Variants in RBFOX1 observed in about 807,000 individuals in gnomAD.
The protein encoded by RBFOX1 is RNA binding protein fox-1 homolog 1.
A neutral mutation model predicts 57.7 loss-of-function variants in RBFOX1; 8 were observed. That is an observed-to-expected ratio of 0.14 (90% CI 0.08 to 0.25). The LOEUF is 0.25. Ranked by LOEUF, RBFOX1 falls within the 10% of genes least tolerant of loss-of-function variation. The pLI, the probability that RBFOX1 is intolerant of heterozygous loss-of-function variation, is 1.00. For synonymous variants in RBFOX1, 326 were observed against 222.4 expected (o/e 1.47, Z -4.15); for missense variants, 611 against 548.5 (o/e 1.11, Z -1.14).
intron 10 of RBFOX1, among the ~76,000 whole-genome samples, chr16:7,610,458 C>T (rs2057267630): frequency 6.6e-6 from 1 of 151,736 alleles, no homozygotes; most frequent in Non-Finnish European, 1.5e-5. Context: ...GTGTGCAAAC[C>T]AGTGAAATAA....
At chr16:7,413,536 C>G (rs1160875830) in intron 4 of RBFOX1, among the ~76,000 whole-genome samples, 4 of 152,096 alleles carry the variant, frequency 2.6e-5, no homozygotes, top group Admixed American at 2.0e-4. Flanking sequence ...TGCCCTCTGT[C>G]TCCTTGTAAG....
At chr16:6,735,982 GC>G (rs373409253) in intron 3 of RBFOX1, among the ~76,000 whole-genome samples, 2 of 776 alleles carry the variant, frequency 2.6e-3, no homozygotes, top group Non-Finnish European at 5.4e-3. Context: ...TCCCTACTGG[GC>G]CTGCTCAAGG....
chr16:6,795,797 T>A (rs1379906168), intron 3 of RBFOX1, among the ~76,000 whole-genome samples: 4 of 151,514 alleles, frequency 2.6e-5, no homozygotes, highest in Admixed American at 1.3e-4. Flanking sequence ...AAAAAGATAG[T>A]CATCGTTGCT....
intron 3 of RBFOX1, among the ~76,000 whole-genome samples, chr16:6,990,573 G>A (rs1226431401): frequency 6.6e-6 from 1 of 152,054 alleles, no homozygotes; most frequent in Non-Finnish European, 1.5e-5. Flanking sequence ...ATGATACTGT[G>A]TCCCATAAAA....
intron 2 of RBFOX1, among the ~76,000 whole-genome samples, chr16:6,598,927 C>T (rs1243210181): frequency 6.6e-6 from 1 of 150,570 alleles, no homozygotes; most frequent in Non-Finnish European, 1.5e-5. Flanking sequence ...GCCTGTGTAA[C>T]AGAGCAAGAC....
At chr16:6,881,781 C>A (rs1204482251) in intron 3 of RBFOX1, among the ~76,000 whole-genome samples, 3 of 152,198 alleles carry the variant, frequency 2.0e-5, no homozygotes, top group African/African-American at 7.2e-5. Context: ...CCATTATCCA[C>A]TGGAGCCTCA....
intron 1 of RBFOX1, among the ~76,000 whole-genome samples, chr16:6,240,495 A>T (rs2097534564): frequency 6.6e-6 from 1 of 151,824 alleles, no homozygotes; most frequent in Non-Finnish European, 1.5e-5. Context: ...CCAGGCCCTC[A>T]CTCAGGCATG....
intron 1 of RBFOX1, among the ~76,000 whole-genome samples, chr16:6,164,753 C>G (rs969625140): frequency 2.6e-5 from 4 of 152,062 alleles, no homozygotes; most frequent in African/African-American, 9.7e-5. Flanking sequence ...GCTGGTGTGA[C>G]CCACCGTGCC....
At chr16:6,381,796 T>G (rs1206915253) in intron 2 of RBFOX1, among the ~76,000 whole-genome samples, 1 of 152,204 alleles carries the variant, frequency 6.6e-6, no homozygotes, top group Non-Finnish European at 1.5e-5. Context: ...CCCTCGGGAT[T>G]CCAGCAAGTG....
At chr16:5,845,212 G>A (rs899109358) in intron 3 of RBFOX1, among the ~76,000 whole-genome samples, 6 of 151,946 alleles carry the variant, frequency 3.9e-5, no homozygotes, top group African/African-American at 1.4e-4. Context: ...TTGCCAAGGG[G>A]GTATTACTCA....
intron 3 of RBFOX1, among the ~76,000 whole-genome samples, chr16:5,839,578 A>C (rs932443189): frequency 6.6e-6 from 1 of 152,174 alleles, no homozygotes; most frequent in Non-Finnish European, 1.5e-5. Flanking sequence ...AGGCTTCTTA[A>C]TCAAGCAGTA....
intron 4 of RBFOX1, chr16:7,510,165 C>G (rs1218610930): frequency 1.0e-6 from 1 of 985,818 alleles, no homozygotes; most frequent in African/African-American, 1.7e-5. Context: ...AGCCCCCCAC[C>G]TTCCTCAACA....
At chr16:5,884,928 C>A (rs1309827851) in intron 4 of RBFOX1, among the ~76,000 whole-genome samples, 1 of 152,130 alleles carries the variant, frequency 6.6e-6, no homozygotes, top group Non-Finnish European at 1.5e-5. Flanking sequence ...TTTAGACTCT[C>A]CTGGAAAGAG....
intron 4 of RBFOX1, among the ~76,000 whole-genome samples, chr16:7,432,102 A>G (rs561829680): frequency 6.6e-6 from 1 of 152,334 alleles, no homozygotes; most frequent in East Asian, 1.9e-4. Context: ...CAGATCCCAC[A>G]GGATGCCCCC....
At chr16:6,243,137 C>CGTGTGTGTGTGTGTGTGT (rs34797833) in intron 1 of RBFOX1, among the ~76,000 whole-genome samples, 7 of 150,440 alleles carry the variant, frequency 4.7e-5, no homozygotes, top group African/African-American at 1.7e-4. Flanking sequence ...GATATTTATA[C>CGTGTGTGTGTGTGTGTGT]GTGTGTCTGT....
At chr16:6,224,595 A>T (rs532546093) in intron 1 of RBFOX1, among the ~76,000 whole-genome samples, 13 of 152,132 alleles carry the variant, frequency 8.5e-5, no homozygotes, top group Non-Finnish European at 1.9e-4. Flanking sequence ...AAGTGAACTG[A>T]TTCACCTGCT....
intron 4 of RBFOX1, among the ~76,000 whole-genome samples, chr16:5,901,794 T>A (rs2058310994): frequency 6.6e-6 from 1 of 152,234 alleles, no homozygotes; most frequent in Admixed American, 6.5e-5. Flanking sequence ...TTCTGTATCT[T>A]TTCTTCATAG....
intron 4 of RBFOX1, among the ~76,000 whole-genome samples, chr16:7,052,632 A>C (rs2050502504): frequency 6.6e-6 from 1 of 152,212 alleles, no homozygotes; most frequent in African/African-American, 2.4e-5. Flanking sequence ...TTCCCCACTT[A>C]AAAATGAAAC....
intron 2 of RBFOX1, among the ~76,000 whole-genome samples, chr16:6,635,202 C>T (rs189089629): frequency 4.4e-4 from 66 of 148,708 alleles, no homozygotes; most frequent in African/African-American, 1.6e-3. Flanking sequence ...ATAATATGTA[C>T]ATATTTTTAA....
Sources: gnomAD v4.1 joint callset for allele counts (sites outside exome capture counted in the v4.1 genomes callset) on GRCh38, gnomAD v4.1.1 for gene constraint, MANE v1.5 for transcripts, NCBI Gene and HGNC (gene_info 2026-07-23, HGNC 2026-07-21) for gene names.